RASGRP3: variants seen among roughly 807,000 people sequenced by gnomAD.
The protein encoded by RASGRP3 is RAS guanyl releasing protein 3.
RASGRP3 carries 54 observed loss-of-function variants against 82.7 expected under a neutral mutation model. That is an observed-to-expected ratio of 0.65 (90% CI 0.52 to 0.82). The LOEUF (loss-of-function observed/expected upper bound fraction) is 0.82, where lower values mean the gene tolerates loss of function less well. RASGRP3 is among the 40% of genes least tolerant of loss of function. RASGRP3 has a pLI of 0.00. For synonymous variants in RASGRP3, 309 were observed against 300.5 expected (o/e 1.03, Z -0.29); for missense variants, 861 against 828.9 (o/e 1.04, Z -0.48).
In RASGRP3 at chr2:33,489,717, G is replaced by T. The variant is rs138064782; in HGVS notation, c.-261+13010G>T. 2.6e-5 allele frequency among the ~76,000 whole-genome samples: 4 copies of T among 152,246 alleles called. No homozygotes were observed. The East Asian group carries it at 7.7e-4, about 29-fold the overall frequency. On this transcript the variant is annotated intron_variant, in intron 1 of 17. Coordinates refer to ENST00000403687, the MANE Select transcript of RASGRP3 (RefSeq NM_001139488.2). ...CACCCAACTAATTTTTGTATCATTTGTAGAGAAGGGGGTTTCACCATGTTG... is the reference window on the plus strand; with the variant it reads ...CACCCAACTAATTTTTGTATCATTTTTAGAGAAGGGGGTTTCACCATGTTG...
intron 1 of RASGRP3, among the ~76,000 whole-genome samples, chr2:33,483,803 CT>C (rs1374879660): frequency 1.3e-5 from 2 of 152,052 alleles, no homozygotes; most frequent in Non-Finnish European, 2.9e-5. Flanking sequence ...CACTACTTTT[CT>C]GTTGTTGAAT....
At chr2:33,454,341 C>T (rs555336913) in intron 2 of RASGRP3, among the ~76,000 whole-genome samples, 1 of 152,216 alleles carries the variant, frequency 6.6e-6, no homozygotes, top group South Asian at 2.1e-4. Context: ...TGATGTAACC[C>T]TGTAACTAAG....
upstream of RASGRP3, among the ~76,000 whole-genome samples, chr2:33,471,739 T>A (rs1272568585): frequency 1.3e-5 from 2 of 152,178 alleles, no homozygotes; most frequent in Non-Finnish European, 2.9e-5. Context: ...TTTTCCATGG[T>A]TACTGATCTG....
chr2:33,510,057 T>C (rs1670788256), intron 1 of RASGRP3, among the ~76,000 whole-genome samples: 1 of 152,238 alleles, frequency 6.6e-6, no homozygotes, highest in Non-Finnish European at 1.5e-5. Flanking sequence ...CTTCAAGGTT[T>C]GTAACAATTA....
chr2:33,448,887 A>T (rs929638565), intron 2 of RASGRP3, among the ~76,000 whole-genome samples: 3 of 152,230 alleles, frequency 2.0e-5, no homozygotes, highest in African/African-American at 7.2e-5. Flanking sequence ...ATTGTATGGT[A>T]TGTGAATTAT....
intron 1 of RASGRP3, among the ~76,000 whole-genome samples, chr2:33,507,300 T>C (rs1469389626): frequency 6.6e-6 from 1 of 151,794 alleles, no homozygotes; most frequent in Non-Finnish European, 1.5e-5. Flanking sequence ...AAGGCTGAGG[T>C]AGGAGAATTG....
At chr2:33,473,281 G>C (rs1667168644), upstream of RASGRP3, among the ~76,000 whole-genome samples, 1 of 152,142 alleles carries the variant, frequency 6.6e-6, no homozygotes. Context: ...TACTCAGGAG[G>C]CTGAGGCAGG....
intron 2 of RASGRP3, among the ~76,000 whole-genome samples, chr2:33,456,800 T>A (rs73926658): frequency 0.012 from 1,869 of 152,328 alleles, 34 homozygotes; most frequent in African/African-American, 0.043. Flanking sequence ...TGCTAGTTTT[T>A]TGTAAACTTG....
Position 33,534,861 on chromosome 2 carries a change from G to A in RASGRP3, c.1161+461G>A, listed in dbSNP as rs1673452524. Among the ~76,000 whole-genome samples, 3 of 151,950 alleles carry A rather than the reference G, an allele frequency of 2.0e-5. No individual in the cohort carries two copies. In the South Asian group the frequency reaches 6.2e-4, roughly 32 times the overall value. ...CGGCCATTATTCCCATTTTATCAATGGGACAGCTTAGCCCTGTCAGTTTGA... is the reference window on the plus strand; with the variant it reads ...CGGCCATTATTCCCATTTTATCAATAGGACAGCTTAGCCCTGTCAGTTTGA... On this transcript the variant is annotated intron_variant, in intron 11 of 17. Transcript: ENST00000403687.
intron 2 of RASGRP3, among the ~76,000 whole-genome samples, chr2:33,469,317 G>T (rs1666913439): frequency 1.3e-5 from 2 of 151,936 alleles, no homozygotes; most frequent in African/African-American, 4.8e-5. Flanking sequence ...TATATTTTAT[G>T]GTTTAAATCG....
intron 13 of RASGRP3, among the ~76,000 whole-genome samples, chr2:33,549,067 G>C (rs952665146): frequency 1.3e-5 from 2 of 152,146 alleles, no homozygotes; most frequent in African/African-American, 4.8e-5. Context: ...CCAGAGGTTT[G>C]TTCTGTGTGG....
intron 15 of RASGRP3, among the ~76,000 whole-genome samples, chr2:33,555,924 A>G (rs903971322): frequency 1.3e-5 from 2 of 152,236 alleles, no homozygotes; most frequent in African/African-American, 4.8e-5. Context: ...TCTAATGCAC[A>G]GGCACTTCTT....
intron 10 of RASGRP3, among the ~76,000 whole-genome samples, chr2:33,529,951 T>C (rs1672951619): frequency 6.6e-6 from 1 of 152,170 alleles, no homozygotes. Flanking sequence ...GTCAAGATCC[T>C]TTCTCTGTCC....
At chr2:33,483,196 A>G (rs907487032) in intron 1 of RASGRP3, among the ~76,000 whole-genome samples, 1 of 152,120 alleles carries the variant, frequency 6.6e-6, no homozygotes, top group Non-Finnish European at 1.5e-5. Context: ...CCCATCTTTT[A>G]AGTTTCTATT....
intron 2 of RASGRP3, among the ~76,000 whole-genome samples, chr2:33,513,598 T>C (rs753853029): frequency 1.8e-4 from 27 of 152,230 alleles, no homozygotes; most frequent in Non-Finnish European, 3.7e-4. Context: ...CCTACTAAAA[T>C]GTCTAAAGTG....
intron 2 of RASGRP3, among the ~76,000 whole-genome samples, chr2:33,467,737 A>G (rs938435051): frequency 9.2e-5 from 14 of 152,310 alleles, no homozygotes; most frequent in East Asian, 3.9e-4. Flanking sequence ...ACTATCTGAC[A>G]GTGCCTATAT....
rs116642673 is a variant in RASGRP3 at position 33,443,074 on chromosome 2, A to T, written c.-384-4746A>T. Among the ~76,000 whole-genome samples the T allele has an allele frequency of 8.3e-3, 1,267 of 152,314 alleles. 17 individuals carry two copies. The highest frequency in any genetic ancestry group is 0.029 in the African/African-American group (1,188 of 41,566). The stretch of plus-strand genomic sequence containing the variant: ...CACATAGCTAGTAAAATGCACAGCG[A>T]TATTGCTGTGACTTTTCTTGCCTCT... On this transcript the variant is annotated intron_variant, in intron 1 of 18. Coordinates refer to the RASGRP3 transcript ENST00000402538.
chr2:33,551,094 C>CTT (rs1675313060), intron 14 of RASGRP3, among the ~76,000 whole-genome samples: 1 of 152,066 alleles, frequency 6.6e-6, no homozygotes, highest in Admixed American at 6.5e-5. Flanking sequence ...AAGCAGATCA[C>CTT]CTGAGGTCAG....
Position 33,461,116 on chromosome 2 carries a change from C to A in RASGRP3, c.-261+13173C>A, listed in dbSNP as rs546198832. ...TGTATTAAGGAATCAACACCCATCC[C>A]TCACTTCCAATCCCTTGCCTCTCAA... On this transcript the variant is annotated intron_variant, in intron 2 of 18. Coordinates refer to the RASGRP3 transcript ENST00000402538. Among the ~76,000 whole-genome samples the A allele has an allele frequency of 4.6e-5, 7 of 152,308 alleles. No homozygotes were observed. The South Asian group carries it at 1.4e-3, about 32-fold the overall frequency.
Sources: gnomAD v4.1 joint callset for allele counts (sites outside exome capture counted in the v4.1 genomes callset) on GRCh38, gnomAD v4.1.1 for gene constraint, MANE v1.5 for transcripts, NCBI Gene and HGNC (gene_info 2026-07-23, HGNC 2026-07-21) for gene names.